ZNF699: variants seen among roughly 807,000 people sequenced by gnomAD.
The protein encoded by ZNF699 is zinc finger protein 699.
Under a neutral mutation model 22.5 loss-of-function variants are expected in ZNF699, and 18 were observed. The ratio of observed to expected loss-of-function variants is 0.80; its 90% CI spans 0.55 to 1.19. The LOEUF (loss-of-function observed/expected upper bound fraction) is 1.19, where lower values mean the gene tolerates loss of function less well. Among genes scored for constraint, ZNF699 ranks in the 50% most tolerant of loss-of-function variants. ZNF699 has a pLI of 0.00. For synonymous variants in ZNF699, 241 were observed against 262.3 expected (o/e 0.92, Z 0.78); for missense variants, 670 against 763.4 (o/e 0.88, Z 1.44).
In ZNF699 at chr19:9,293,494, G is replaced by A. The variant is rs945415190; in HGVS notation, c.*1981C>T. 6.6e-6 allele frequency among the ~76,000 whole-genome samples: 1 copy of A among 152,124 alleles called. No individual in the cohort carries two copies. Among genetic ancestry groups the A allele is most frequent in the Non-Finnish European group, 1.5e-5 (1 of 68,000 alleles). ...ACATCTATCAAAAGAACAATTAAAA[G>A]TCAAACCACACATTATGTTGAGCAA... is the stretch of plus-strand genomic sequence containing the variant. On this transcript the variant is annotated 3_prime_UTR_variant, in exon 6 of 6. Transcript: ENST00000591998.
rs2144971686 is a variant in ZNF699 at position 9,292,853 on chromosome 19, G to A, written c.*2622C>T. Among the ~76,000 whole-genome samples, 1 of 149,666 alleles carries A rather than the reference G, an allele frequency of 6.7e-6. No individual in the cohort carries two copies. Among genetic ancestry groups the A allele is most frequent in the Admixed American group, 6.7e-5 (1 of 15,016 alleles). ...TTTTTTTTTTAAAAAGGAACCATAA[G>A]TCTGGGTGCAGTGGCTCACGCCTAT... On this transcript the variant is annotated 3_prime_UTR_variant, in exon 6 of 6. Transcript: ENST00000591998.
Position 9,295,433 on chromosome 19 carries a change from C to T in ZNF699, c.*42G>A, listed in dbSNP as rs572274439. ...CACAGTATGAGATCTCACATGTTGC[C>T]TAGGATCTGAAGCTTTGCAGACATT... On this transcript the variant is annotated 3_prime_UTR_variant, in exon 6 of 6. Coordinates refer to ENST00000591998, the MANE Select transcript of ZNF699 (RefSeq NM_198535.3). 1.9e-6 allele frequency: 3 copies of T among 1,552,158 alleles called. No homozygotes were observed. The East Asian group carries it at 6.7e-5, about 35-fold the overall frequency.
At position 9,294,745 on chromosome 19, in the gene ZNF699, A is replaced by G. The variant is rs1230675237; in HGVS notation, c.*730T>C. ...GCAAGGACAAAGAATAAAATATAAAAATAGTATATTAAATTAATTTCTGCT... is the reference window on the plus strand; with the variant it reads ...GCAAGGACAAAGAATAAAATATAAAGATAGTATATTAAATTAATTTCTGCT... On this transcript the variant is annotated 3_prime_UTR_variant, in exon 6 of 6. Transcript: ENST00000591998. The G allele has an allele frequency of 6.6e-6, 1 of 152,176 alleles. No individual in the cohort carries two copies. Among genetic ancestry groups the G allele is most frequent in the Non-Finnish European group, 1.5e-5 (1 of 68,034 alleles). The allele number at this position is 152,176 out of a possible 1,614,324, so 9.4% of individuals were successfully genotyped here.
chr19:9,297,022 G>A lies in ZNF699; in HGVS notation c.471-89C>T. The A allele has an allele frequency of 8.3e-7, 1 of 1,205,662 alleles. No homozygotes were observed. Among genetic ancestry groups the A allele is most frequent in the Non-Finnish European group, 1.1e-6 (1 of 888,566 alleles). 74.7% of individuals were successfully genotyped at this position (1,205,662 alleles called of 1,614,324 possible). ...TTTTCTGCCCTTCTGTCAAGTTTAA[G>A]CTGAAAGTTTTCACAGAGGGCTCTA... On this transcript the variant is annotated intron_variant, in intron 5 of 5. Transcript: ENST00000591998. The surrounding 1 kb of genome is among the most constrained non-coding windows in gnomAD (Gnocchi z 4.3).
chr19:9,293,540 T>C lies in ZNF699; in HGVS notation c.*1935A>G, dbSNP rs1182979068. Among the ~76,000 whole-genome samples, 1 of 152,144 alleles carries C rather than the reference T, an allele frequency of 6.6e-6. No homozygotes were observed. On this transcript the variant is annotated 3_prime_UTR_variant, in exon 6 of 6. Coordinates refer to ENST00000591998, the MANE Select transcript of ZNF699 (RefSeq NM_198535.3). ...AGCAAAAGAAGTCAAAACACATAAC[T>C]GTATATATTGTATTTTAACATTTGG...
chr19:9,309,044 T>C (rs2066337590), intron 1 of ZNF699, among the ~76,000 whole-genome samples: 1 of 152,106 alleles, frequency 6.6e-6, no homozygotes. Context: ...CTCGCTCTGT[T>C]GCCCAGGCTG....
chr19:9,302,532 A>G (rs748267665), intron 2 of ZNF699, 28 bp from the exon 3 acceptor site: 3 of 1,582,842 alleles, frequency 1.9e-6, no homozygotes, highest in Non-Finnish European at 2.6e-6. Flanking sequence ...TTCTGTTCAG[A>G]AAGGTACAAT....
At chr19:9,300,720 T>C (rs2066304046) in intron 3 of ZNF699, among the ~76,000 whole-genome samples, 1 of 152,218 alleles carries the variant, frequency 6.6e-6, no homozygotes, top group South Asian at 2.1e-4. Flanking sequence ...TCCAACTATA[T>C]GACATTTTGC....
chr19:9,301,224 A>G (rs2066306266), intron 3 of ZNF699, among the ~76,000 whole-genome samples: 1 of 152,128 alleles, frequency 6.6e-6, no homozygotes, highest in Non-Finnish European at 1.5e-5. Flanking sequence ...AGATATAATC[A>G]AGACAAGGTT....
chr19:9,302,765 C>T (rs1040067827), intron 2 of ZNF699, among the ~76,000 whole-genome samples: 3 of 152,216 alleles, frequency 2.0e-5, no homozygotes, highest in Admixed American at 1.3e-4. Flanking sequence ...AGCCTATAAT[C>T]CCAGCACTTT....
chr19:9,297,501 G>T lies in ZNF699; in HGVS notation c.287-22C>A. ...AAACCTGAAACGAAAAAAAGTGAAA[G>T]CTTCCATGAGCCAAGGACTTTTAGC... On this transcript the variant is annotated intron_variant, in intron 4 of 5. Transcript: ENST00000591998. The surrounding 1 kb of genome is among the most constrained non-coding windows in gnomAD (Gnocchi z 4.3). 1.3e-6 allele frequency: 2 copies of T among 1,537,088 alleles called. No homozygotes were observed. The highest frequency in any genetic ancestry group is 1.7e-6 in the Non-Finnish European group (2 of 1,152,030).
Position 9,296,394 on chromosome 19 carries a change from C to T in ZNF699, c.1010G>A (p.Cys337Tyr). The T allele has an allele frequency of 6.2e-7, 1 of 1,614,096 alleles. No individual in the cohort carries two copies. Among genetic ancestry groups the T allele is most frequent in the Non-Finnish European group, 8.5e-7 (1 of 1,179,976 alleles). Reference sequence around the variant, plus strand: ...GCTAAAGGCCTTCCCACATTCCTTACATTCATATGGCTTATCTCCACTGTG... The same window carrying T: ...GCTAAAGGCCTTCCCACATTCCTTATATTCATATGGCTTATCTCCACTGTG... ...RIHSGDKPYE[C>Y]KECGKAFSSS... Residue 337 changes from cysteine to tyrosine, a missense_variant, in exon 6 of 6, where the codon TGT becomes TAT. Coordinates refer to ENST00000591998, the MANE Select transcript of ZNF699 (RefSeq NM_198535.3).
intron 2 of ZNF699, among the ~76,000 whole-genome samples, chr19:9,303,185 C>G (rs1245126813): frequency 6.6e-6 from 1 of 152,122 alleles, no homozygotes; most frequent in Non-Finnish European, 1.5e-5. Context: ...CCAAGCAATT[C>G]CCCAGTGGAC....
intron 1 of ZNF699, among the ~76,000 whole-genome samples, chr19:9,306,745 G>A (rs1047571296): frequency 2.0e-5 from 3 of 152,178 alleles, no homozygotes; most frequent in African/African-American, 4.8e-5. Context: ...GGCAGGGTAT[G>A]AATGCAGGCC....
At chr19:9,306,687 G>C (rs767366810) in intron 1 of ZNF699, among the ~76,000 whole-genome samples, 1 of 152,178 alleles carries the variant, frequency 6.6e-6, no homozygotes, top group South Asian at 2.1e-4. Flanking sequence ...ATCTTAGAAT[G>C]AGTCAATTAA....
intron 3 of ZNF699, among the ~76,000 whole-genome samples, chr19:9,299,873 A>AG (rs2066300905): frequency 6.6e-6 from 1 of 152,016 alleles, no homozygotes; most frequent in Non-Finnish European, 1.5e-5. Flanking sequence ...TTTAAAAAAA[A>AG]AAAAGACAAA....
At position 9,297,319 on chromosome 19, in the gene ZNF699, G is replaced by C; in HGVS notation, c.447C>G (p.Asn149Lys). The change falls in exon 5 of 6, where the codon AAC becomes AAG. Residue 149 changes from asparagine (N) to lysine (K), a missense_variant. Asn to Lys is a moderately conservative substitution (Grantham distance 94). Transcript: ENST00000591998. This position sits in a 1 kb window ranked among gnomAD's most constrained non-coding sequence, Gnocchi z 4.3. Reference protein sequence around the residue: ...NQESCGIDYQNKSHERHLRNH... With the variant: ...NQESCGIDYQKKSHERHLRNH... ...ACCTCAAATGTCTCTCATGGCTTTTGTTCTGATAATCAATACCACAGGACT... is the reference window on the plus strand; with the variant it reads ...ACCTCAAATGTCTCTCATGGCTTTTCTTCTGATAATCAATACCACAGGACT... 1 of 1,596,776 alleles carries C rather than the reference G, an allele frequency of 6.3e-7. No homozygotes were observed. Among genetic ancestry groups the C allele is most frequent in the Non-Finnish European group, 8.5e-7 (1 of 1,176,798 alleles).
chr19:9,301,147 G>A (rs912094807), intron 3 of ZNF699, among the ~76,000 whole-genome samples: 2 of 151,646 alleles, frequency 1.3e-5, no homozygotes, highest in African/African-American at 4.8e-5. Flanking sequence ...AAGAGAGAGA[G>A]AGAGAGAGAG....
chr19:9,302,979 G>A (rs566078158), intron 2 of ZNF699, among the ~76,000 whole-genome samples: 90 of 151,822 alleles, frequency 5.9e-4, no homozygotes, highest in African/African-American at 2.1e-3. Flanking sequence ...CAGTGAGCAC[G>A]ACCATGCCAC....
Sources: allele counts gnomAD v4.1 joint callset (sites outside exome capture counted in the v4.1 genomes callset), GRCh38; gene constraint gnomAD v4.1.1; non-coding constraint Gnocchi (gnomAD v3.1); transcripts MANE v1.5; gene names NCBI Gene and HGNC (gene_info 2026-07-23, HGNC 2026-07-21).